Variants in CRKL observed in about 807,000 individuals in gnomAD.
The protein encoded by CRKL is CRK like proto-oncogene, adaptor protein, also known as crk-like protein.
CRKL carries 3 observed loss-of-function variants against 23.0 expected under a neutral mutation model. The observed-to-expected ratio is 0.13, with a 90% CI of 0.06 to 0.34. The LOEUF (loss-of-function observed/expected upper bound fraction) is 0.34. Ranked by LOEUF, CRKL falls within the 10% of genes least tolerant of loss-of-function variation. CRKL has a pLI of 1.00. For synonymous variants in CRKL, 188 were observed against 160.7 expected (o/e 1.17, Z -1.28); for missense variants, 256 against 394.5 (o/e 0.65, Z 2.97).
intron 1 of CRKL, among the ~76,000 whole-genome samples, chr22:20,927,139 A>G (rs1250932950): frequency 7.9e-4 from 110 of 139,888 alleles, no homozygotes; most frequent in African/African-American, 2.9e-3. Context: ...AAAAAAAAGA[A>G]TGGTGGTTAA....
chr22:20,949,631 A>G (rs2147918018), intron 2 of CRKL, 80 bp from the exon 3 acceptor site: 1 of 1,559,898 alleles, frequency 6.4e-7, no homozygotes, highest in Non-Finnish European at 8.8e-7. Context: ...CCTTTGGATA[A>G]GGTAGTGTTT....
In CRKL at chr22:20,926,909, C is replaced by T. The variant is rs576508391; in HGVS notation, c.312-6870C>T. 1.2e-3 allele frequency among the ~76,000 whole-genome samples: 179 copies of T among 151,788 alleles called. 3 individuals are homozygous for T. In the South Asian group the frequency reaches 0.035, roughly 30 times the overall value. On this transcript the variant is annotated intron_variant, in intron 1 of 2. Coordinates refer to ENST00000354336, the MANE Select transcript of CRKL (RefSeq NM_005207.4). ...GGTGGATTGCCTGAGCTCATGCGTT[C>T]GAGACCAGCCTGGCCAACACAGTGA...
chr22:20,923,615 G>GC (rs1921074462), intron 1 of CRKL, among the ~76,000 whole-genome samples: 1 of 122,918 alleles, frequency 8.1e-6, no homozygotes, highest in African/African-American at 3.2e-5. Context: ...TTGCTCTGTT[G>GC]CCAGGCTGGA....
At chr22:20,919,410 A>G (rs1929805857) in intron 1 of CRKL, among the ~76,000 whole-genome samples, 2 of 152,320 alleles carry the variant, frequency 1.3e-5, no homozygotes, top group South Asian at 2.1e-4. Flanking sequence ...AATTTCAGAC[A>G]TGCTTTTTGT....
intron 1 of CRKL, among the ~76,000 whole-genome samples, chr22:20,924,314 G>C (rs1030308291): frequency 9.2e-5 from 14 of 152,180 alleles, no homozygotes; most frequent in African/African-American, 3.4e-4. Flanking sequence ...CAGAAGAGGA[G>C]CCTCACACAC....
chr22:20,921,584 A>T (rs1019074454), intron 1 of CRKL, among the ~76,000 whole-genome samples: 6 of 152,132 alleles, frequency 3.9e-5, no homozygotes, highest in African/African-American at 1.4e-4. Context: ...GGTAAAGAAG[A>T]ACCCAGCCTA....
chr22:20,934,483 A>T (rs990642093), intron 2 of CRKL, among the ~76,000 whole-genome samples: 2 of 152,058 alleles, frequency 1.3e-5, no homozygotes, highest in Non-Finnish European at 2.9e-5. Flanking sequence ...CAATCCTCCT[A>T]CCTCGACCTC....
At chr22:20,919,728 G>A (rs993280261) in intron 1 of CRKL, among the ~76,000 whole-genome samples, 3 of 151,966 alleles carry the variant, frequency 2.0e-5, no homozygotes, top group African/African-American at 4.8e-5. Flanking sequence ...GTTTTTCCAG[G>A]GTTAGATGTT....
intron 1 of CRKL, among the ~76,000 whole-genome samples, chr22:20,930,674 G>A (rs1003154948): frequency 5.2e-5 from 5 of 96,658 alleles, no homozygotes; most frequent in Non-Finnish European, 8.1e-5. Context: ...GCCACCACAC[G>A]CCTGGCTTTT....
At chr22:20,943,311 C>T (rs1170295253) in intron 2 of CRKL, among the ~76,000 whole-genome samples, 4 of 152,126 alleles carry the variant, frequency 2.6e-5, no homozygotes, top group African/African-American at 9.7e-5. Context: ...ACGATCTCGA[C>T]TCACTGCAAC....
At position 20,952,826 on chromosome 22, in the gene CRKL, C is replaced by G. The variant is rs542153415; in HGVS notation, c.*2981C>G. On this transcript the variant is annotated 3_prime_UTR_variant, in exon 3 of 3. Transcript: ENST00000354336. ...CCTGCGGTACAGGAGTCAGCCATGT[C>G]TGTGCTGTGTGGAACCACCTGATGA... 4.3e-6 allele frequency: 1 copy of G among 232,176 alleles called. No individual in the cohort carries two copies. Among genetic ancestry groups the G allele is most frequent in the East Asian group, 6.1e-5 (1 of 16,422 alleles). The allele number at this position is 232,176 out of a possible 1,614,324, so 14.4% of individuals were successfully genotyped here.
At chr22:20,945,776 T>C (rs1453349818) in intron 2 of CRKL, among the ~76,000 whole-genome samples, 1 of 152,168 alleles carries the variant, frequency 6.6e-6, no homozygotes, top group Non-Finnish European at 1.5e-5. Flanking sequence ...CCCATGCAGC[T>C]CCGTGAGGGC....
chr22:20,928,602 C>T (rs888094165), intron 1 of CRKL, among the ~76,000 whole-genome samples: 1 of 151,914 alleles, frequency 6.6e-6, no homozygotes, highest in East Asian at 1.9e-4. Flanking sequence ...TGCTTGAGCT[C>T]AGGAGTTCAA....
In CRKL at chr22:20,918,347, G is replaced by T. The variant is rs1929767104; in HGVS notation, c.311+102G>T. The T allele has an allele frequency of 6.8e-6, 9 of 1,316,982 alleles. No homozygotes were observed. In the South Asian group the frequency reaches 1.3e-4, roughly 19 times the overall value. 81.6% of individuals were successfully genotyped at this position (1,316,982 alleles called of 1,614,324 possible). ...GGGCGCGCTTGAACCCATATTCCCC[G>T]CATTCTGAACCAAATTATTTTCCAG... On this transcript the variant is annotated intron_variant, in intron 1 of 2. Coordinates refer to ENST00000354336, the MANE Select transcript of CRKL (RefSeq NM_005207.4).
At chr22:20,932,103 G>A (rs1921477454) in intron 1 of CRKL, among the ~76,000 whole-genome samples, 1 of 151,646 alleles carries the variant, frequency 6.6e-6, no homozygotes. Context: ...GAGCCACTGC[G>A]CCGGCCTCTT....
chr22:20,931,474 A>G (rs938540079), intron 1 of CRKL, among the ~76,000 whole-genome samples: 1 of 152,210 alleles, frequency 6.6e-6, no homozygotes, highest in African/African-American at 2.4e-5. Context: ...ATGTCGGTAC[A>G]TTGGATGCTT....
At chr22:20,934,402 T>C (rs557217459) in intron 2 of CRKL, among the ~76,000 whole-genome samples, 158 bp downstream of exon 2, 4 of 152,236 alleles carry the variant, frequency 2.6e-5, no homozygotes, top group Admixed American at 2.6e-4. Context: ...TTAAAATTTT[T>C]TTATAGAGAC....
rs58683340 is a variant in CRKL at position 20,953,460 on chromosome 22, CTT to C, written c.*3618_*3619del. 2.6e-5 allele frequency: 6 copies of C among 231,550 alleles called. No homozygotes were observed. Among genetic ancestry groups the C allele is most frequent in the Admixed American group, 2.3e-4 (4 of 17,714 alleles). 14.3% of individuals were successfully genotyped at this position (231,550 alleles called of 1,614,324 possible). A position where few individuals can be genotyped will look rare whatever the true frequency, so the allele number is the denominator to read the frequency against. ...ACAACAACAACAACAACATAAAACT[CTT>C]TTGACCTGTAACTTAAAGATCATAA... is the stretch of plus-strand genomic sequence containing the variant. On this transcript the variant is annotated 3_prime_UTR_variant, in exon 3 of 3. Transcript: ENST00000354336.
chr22:20,938,996 A>T (rs1260837917), intron 2 of CRKL, among the ~76,000 whole-genome samples: 1 of 152,162 alleles, frequency 6.6e-6, no homozygotes, highest in African/African-American at 2.4e-5. Flanking sequence ...GTATAAATCA[A>T]GCAGAAAGGT....
Sources: gnomAD v4.1 joint callset for allele counts (sites outside exome capture counted in the v4.1 genomes callset) on GRCh38, gnomAD v4.1.1 for gene constraint, MANE v1.5 for transcripts, NCBI Gene and HGNC (gene_info 2026-07-23, HGNC 2026-07-21) for gene names.